TGFBR3: variants seen among roughly 807,000 people sequenced by gnomAD.
TGFBR3 encodes the protein transforming growth factor beta receptor 3.
A neutral mutation model predicts 87.9 loss-of-function variants in TGFBR3; 46 were observed. The observed-to-expected ratio is 0.52, with a 90% CI of 0.41 to 0.67. The LOEUF (loss-of-function observed/expected upper bound fraction) is 0.67. Among genes scored for constraint, TGFBR3 ranks in the 30% least tolerant of loss-of-function variants. TGFBR3 has a pLI of 0.00. For synonymous variants in TGFBR3, 381 were observed against 391.6 expected (o/e 0.97, Z 0.32); for missense variants, 866 against 1,041.9 (o/e 0.83, Z 2.32).
chr1:91,827,494 TA>T (rs1166355870), intron 2 of TGFBR3, among the ~76,000 whole-genome samples: 1 of 152,226 alleles, frequency 6.6e-6, no homozygotes, highest in Admixed American at 6.5e-5. Flanking sequence ...ATTACCAAAG[TA>T]AACTGATTTA....
chr1:91,769,773 C>G (rs545267139), intron 3 of TGFBR3, among the ~76,000 whole-genome samples: 1 of 151,946 alleles, frequency 6.6e-6, no homozygotes, highest in East Asian at 1.9e-4. Flanking sequence ...GATACAAAAC[C>G]AAAAAGGCCG....
At chr1:91,748,722 G>GTAT (rs56351917) in intron 4 of TGFBR3, among the ~76,000 whole-genome samples, 2,730 of 148,530 alleles carry the variant, frequency 0.018, 41 homozygotes, top group Non-Finnish European at 0.02. Context: ...ATTCTGGAAA[G>GTAT]TATTATTATT....
At chr1:91,683,975 C>A in intron 16 of TGFBR3, 118 bp from the exon 17 acceptor site, 1 of 882,132 alleles carries the variant, frequency 1.1e-6, no homozygotes. Flanking sequence ...TCAACCAGGG[C>A]AGAAGCAACT....
intron 4 of TGFBR3, among the ~76,000 whole-genome samples, chr1:91,748,942 A>G (rs1244382428): frequency 6.6e-6 from 1 of 152,074 alleles, no homozygotes; most frequent in Non-Finnish European, 1.5e-5. Flanking sequence ...TCAGAAGAGT[A>G]CCTCACACAC....
At chr1:91,756,835 C>T (rs1019951858) in intron 4 of TGFBR3, among the ~76,000 whole-genome samples, 1 of 152,140 alleles carries the variant, frequency 6.6e-6, no homozygotes, top group East Asian at 1.9e-4. Flanking sequence ...TAAAACCTTG[C>T]CACATTTGCT....
rs1428180601 is a variant in TGFBR3, at chr1:91,681,758, C to G, written c.*1981G>C. 2.3e-6 allele frequency: 1 copy of G among 442,864 alleles called. No homozygotes were observed. The highest frequency in any genetic ancestry group is 7.0e-5 in the East Asian group (1 of 14,334). 27.4% of individuals were successfully genotyped at this position (442,864 alleles called of 1,614,324 possible). A position where few individuals can be genotyped will look rare whatever the true frequency, so the allele number is the denominator to read the frequency against. ...TATAGCTATAAGTGACTTAAAGACTCTAGTCTTCTTTGAAGACATCTTTAA... is the reference window on the plus strand; with the variant it reads ...TATAGCTATAAGTGACTTAAAGACTGTAGTCTTCTTTGAAGACATCTTTAA... On this transcript the variant is annotated 3_prime_UTR_variant, in exon 17 of 17. Coordinates refer to ENST00000212355, the MANE Select transcript of TGFBR3 (RefSeq NM_003243.5).
chr1:91,885,815 C>T, intron 1 of TGFBR3, 63 bp downstream of exon 1: 1 of 227,896 alleles, frequency 4.4e-6, no homozygotes, highest in South Asian at 4.8e-5. Flanking sequence ...CGGGCACCCG[C>T]GCAGCCTGCA....
chr1:91,901,679 CAG>C (rs1265427334), intron 1 of TGFBR3, among the ~76,000 whole-genome samples: 1 of 150,822 alleles, frequency 6.6e-6, no homozygotes, highest in Non-Finnish European at 1.5e-5. Flanking sequence ...CTTTGGGAGA[CAG>C]AGGTGGGAGG....
At chr1:91,752,859 C>CA (rs201221771) in intron 4 of TGFBR3, among the ~76,000 whole-genome samples, 1,546 of 145,388 alleles carry the variant, frequency 0.011, 27 homozygotes, top group African/African-American at 0.036. Flanking sequence ...CCCATCTTTA[C>CA]AAAAAAAAAA....
At chr1:91,708,622 A>G (rs1377554824) in intron 14 of TGFBR3, 41 bp downstream of exon 14, 1 of 1,613,532 alleles carries the variant, frequency 6.2e-7, no homozygotes, top group African/African-American at 1.3e-5. Flanking sequence ...TAACAAGCAG[A>G]GCTCAGGCCC....
chr1:91,691,548 A>C (rs976884986), intron 16 of TGFBR3, among the ~76,000 whole-genome samples: 1 of 152,234 alleles, frequency 6.6e-6, no homozygotes, highest in Non-Finnish European at 1.5e-5. Flanking sequence ...GTTTCTGTTA[A>C]ATGAGGATAT....
chr1:91,812,676 C>T (rs4658274), intron 2 of TGFBR3, among the ~76,000 whole-genome samples: 37,247 of 152,012 alleles, frequency 0.25, 5,644 homozygotes, highest in Middle Eastern at 0.35. Flanking sequence ...GCAATGGCAC[C>T]GTCCCAGCTC....
At position 91,683,441 on chromosome 1, in the gene TGFBR3, A is replaced by G. The variant is rs573873791; in HGVS notation, c.*298T>C. On this transcript the variant is annotated 3_prime_UTR_variant, in exon 17 of 17. Coordinates refer to ENST00000212355, the MANE Select transcript of TGFBR3 (RefSeq NM_003243.5). Reference sequence around the variant, plus strand: ...ACAAAGCAGCATTTTAAAAACTGGCATGTGTTTCACATTGAAAACCCCCAA... The same window carrying G: ...ACAAAGCAGCATTTTAAAAACTGGCGTGTGTTTCACATTGAAAACCCCCAA... 1.6e-6 allele frequency: 1 copy of G among 612,724 alleles called. No homozygotes were observed. Among genetic ancestry groups the G allele is most frequent in the African/African-American group, 1.8e-5 (1 of 55,452 alleles). The allele number at this position is 612,724 out of a possible 1,614,324, so 38.0% of individuals were successfully genotyped here.
At chr1:91,801,412 A>G (rs1675625786) in intron 2 of TGFBR3, among the ~76,000 whole-genome samples, 1 of 152,120 alleles carries the variant, frequency 6.6e-6, no homozygotes, top group Non-Finnish European at 1.5e-5. Context: ...GGCCAGGGAG[A>G]GAATCCACTG....
chr1:91,829,047 C>T (rs1318617050), intron 2 of TGFBR3, among the ~76,000 whole-genome samples: 2 of 152,228 alleles, frequency 1.3e-5, no homozygotes, highest in African/African-American at 4.8e-5. Context: ...TCCACCATGA[C>T]ACCTGGGCCA....
chr1:91,886,401 A>T, upstream of TGFBR3: 1 of 335,414 alleles, frequency 3.0e-6, no homozygotes, highest in Admixed American at 4.0e-5. Context: ...CTTCGGGACG[A>T]GGAGGCCGAG....
chr1:91,857,706 A>C (rs2101174198), intron 2 of TGFBR3, among the ~76,000 whole-genome samples: 1 of 152,304 alleles, frequency 6.6e-6, no homozygotes, highest in African/African-American at 2.4e-5. Context: ...TGAGAGGCTG[A>C]GGTGGGAGGA....
At chr1:91,826,887 G>A (rs149936830) in intron 2 of TGFBR3, among the ~76,000 whole-genome samples, 1 of 152,116 alleles carries the variant, frequency 6.6e-6, no homozygotes, top group African/African-American at 2.4e-5. Context: ...ACCACTGCAA[G>A]TCACATATTT....
intron 2 of TGFBR3, among the ~76,000 whole-genome samples, chr1:91,853,496 T>A (rs1677821858): frequency 1.3e-5 from 2 of 152,032 alleles, no homozygotes; most frequent in Admixed American, 1.3e-4. Context: ...GGCCGTTAAC[T>A]CACATCCAAG....
Sources: gnomAD v4.1 joint callset for allele counts (sites outside exome capture counted in the v4.1 genomes callset) on GRCh38, gnomAD v4.1.1 for gene constraint, MANE v1.5 for transcripts, NCBI Gene and HGNC (gene_info 2026-07-23, HGNC 2026-07-21) for gene names.